The following AASS variants were observed in gnomAD, a reference collection of about 807,000 sequenced individuals.
The protein encoded by AASS is aminoadipate-semialdehyde synthase, also known as alpha-aminoadipic semialdehyde synthase, mitochondrial.
In AASS, 86 loss-of-function variants were observed where a neutral mutation model predicts 105.4. The observed-to-expected ratio is 0.82, with a 90% CI of 0.69 to 0.98. AASS has a LOEUF of 0.98. Ranked by LOEUF, AASS falls within the 50% of genes least tolerant of loss-of-function variation. AASS has a pLI of 0.00. For missense variants in AASS, 1,048 were observed against 1,143.2 expected, an observed-to-expected ratio of 0.92 and a Z score of 1.20; for synonymous variants, 381 against 394.8, an observed-to-expected ratio of 0.96 and a Z score of 0.41.
intron 11 of AASS, among the ~76,000 whole-genome samples, chr7:122,112,782 A>G (rs900130716): frequency 3.9e-5 from 6 of 152,186 alleles, no homozygotes; most frequent in African/African-American, 1.2e-4. Context: ...TTACGGCACA[A>G]TAAGAGTGCC....
Position 122,133,751 on chromosome 7 carries a change from C to T in AASS, c.-15-10G>A, listed in dbSNP as rs1187106981. On this transcript the variant is annotated splice_polypyrimidine_tract_variant and intron_variant, in intron 1 of 23. Transcript: ENST00000417368. Reference sequence around the variant, plus strand: ...TCTTGACACCTGGTGACTGTAAAGACAATGTAAAGAGCAGAGCAACAAAAG... The same window carrying T: ...TCTTGACACCTGGTGACTGTAAAGATAATGTAAAGAGCAGAGCAACAAAAG... 1.2e-6 allele frequency: 2 copies of T among 1,610,226 alleles called. No homozygotes were observed. The highest frequency in any genetic ancestry group is 2.2e-5 in the East Asian group (1 of 44,858).
At position 122,093,137 on chromosome 7, in the gene AASS, G is replaced by A. The variant is rs898296705; in HGVS notation, c.1677C>T (p.His559=). The part of the protein sequence containing the change: ...LVISLLPYVL[H]PLVAKACITN... ...TGATGCAGGCCTTGGCCACAAGAGG[G>A]TGCAATACATAAGGCAACAAGCTTG... The change falls in exon 16 of 24, where the codon CAC becomes CAT. Residue 559 remains histidine, a synonymous_variant. Transcript: ENST00000417368. The A allele has an allele frequency of 1.9e-6, 3 of 1,613,768 alleles. No individual in the cohort carries two copies. Among genetic ancestry groups the A allele is most frequent in the Non-Finnish European group, 2.5e-6 (3 of 1,179,720 alleles).
At chr7:122,111,646 G>A (rs1219010482) in intron 11 of AASS, among the ~76,000 whole-genome samples, 1 of 152,186 alleles carries the variant, frequency 6.6e-6, no homozygotes, top group Admixed American at 6.5e-5. Context: ...GCTCACGCCT[G>A]TAATACCAGC....
chr7:122,141,374 T>A (rs1193965692), intron 1 of AASS, among the ~76,000 whole-genome samples: 1 of 152,156 alleles, frequency 6.6e-6, no homozygotes, highest in Non-Finnish European at 1.5e-5. Flanking sequence ...TTCATTGAAA[T>A]GGAATACAAA....
intron 22 of AASS, among the ~76,000 whole-genome samples, chr7:122,078,228 C>G (rs1237347747): frequency 1.3e-5 from 2 of 152,042 alleles, no homozygotes; most frequent in African/African-American, 4.8e-5. Context: ...ATTCATGTCA[C>G]CATATCCTGT....
At chr7:122,117,017 T>TC in intron 6 of AASS, 60 bp from the exon 7 acceptor site, 1 of 1,416,232 alleles carries the variant, frequency 7.1e-7, no homozygotes, top group East Asian at 2.3e-5. Context: ...AACATGGTTT[T>TC]CTGCAAAGAT....
chr7:122,141,810 A>G (rs981014280), intron 1 of AASS, among the ~76,000 whole-genome samples: 9 of 152,152 alleles, frequency 5.9e-5, no homozygotes, highest in Non-Finnish European at 1.3e-4. Flanking sequence ...TCTTGACTTC[A>G]GTTTCCTTAC....
At chr7:122,099,650 G>A (rs1794334123) in intron 13 of AASS, among the ~76,000 whole-genome samples, 3 of 151,802 alleles carry the variant, frequency 2.0e-5, no homozygotes, top group South Asian at 4.1e-4. Context: ...CAAATTCCCT[G>A]TTATCAACAT....
chr7:122,116,856 G>A, intron 7 of AASS, 23 bp downstream of exon 7: 1 of 1,612,484 alleles, frequency 6.2e-7, no homozygotes. Context: ...AACATTAAAA[G>A]TTAGTCATCT....
At chr7:122,094,332 A>T (rs1280735474) in intron 15 of AASS, among the ~76,000 whole-genome samples, 2 of 152,172 alleles carry the variant, frequency 1.3e-5, no homozygotes, top group Non-Finnish European at 2.9e-5. Context: ...TCACCCTGTT[A>T]TCACATCTAA....
At chr7:122,129,882 C>G (rs187173849) in intron 2 of AASS, among the ~76,000 whole-genome samples, 40 of 152,166 alleles carry the variant, frequency 2.6e-4, no homozygotes, top group African/African-American at 9.4e-4. Flanking sequence ...TATTAAATGC[C>G]AAATTGTGAT....
intron 8 of AASS, 135 bp from the exon 9 acceptor site, chr7:122,115,357 C>A: frequency 8.4e-7 from 1 of 1,184,460 alleles, no homozygotes; most frequent in Non-Finnish European, 1.2e-6. Context: ...TTGTCCATGT[C>A]AGTGTCCATC....
At chr7:122,078,731 A>G in intron 22 of AASS, 131 bp downstream of exon 22, 1 of 819,476 alleles carries the variant, frequency 1.2e-6, no homozygotes, top group South Asian at 1.4e-5. Context: ...AAAATAGTCC[A>G]ATTGCCCTTT....
In AASS at chr7:122,098,808, C is replaced by T. The variant is rs749588440; in HGVS notation, c.1465G>A (p.Gly489Ser). ...TCTAATACAGGCTCAGATATGTAGCCAGATCCAAGAACCAAAACCTTTCTC... is the reference window on the plus strand; with the variant it reads ...TCTAATACAGGCTCAGATATGTAGCTAGATCCAAGAACCAAAACCTTTCTC... ...TRRKVLVLGS[G>S]YISEPVLEYL... The change falls in exon 14 of 24, where the codon GGC becomes AGC. Residue 489 changes from glycine (G) to serine (S), a missense_variant. Gly to Ser is a moderately conservative substitution (Grantham distance 56). Transcript: ENST00000417368. The T allele has an allele frequency of 6.2e-7, 1 of 1,600,486 alleles. No individual in the cohort carries two copies. The highest frequency in any genetic ancestry group is 1.1e-5 in the South Asian group (1 of 89,940).
chr7:122,086,218 G>A (rs1233582242), intron 18 of AASS, 39 bp from the exon 19 acceptor site: 2 of 1,605,796 alleles, frequency 1.2e-6, no homozygotes. Context: ...GGTTACAGCT[G>A]TTCCTTTCTT....
At chr7:122,126,610 T>C (rs1795667999) in intron 3 of AASS, 151 bp from the exon 4 acceptor site, 1 of 712,490 alleles carries the variant, frequency 1.4e-6, no homozygotes, top group Non-Finnish European at 2.5e-6. Context: ...TACCATGAAA[T>C]ATTTAGAAAA....
Position 122,098,369 on chromosome 7 carries a change from AGAG to A in AASS, c.1655+78_1655+80del, listed in dbSNP as rs1794265506. On this transcript the variant is annotated intron_variant, in intron 15 of 23. Coordinates refer to ENST00000417368, the MANE Select transcript of AASS (RefSeq NM_005763.4). Reference sequence around the variant, plus strand: ...AACTTTACTCCAAAGGAGTATGAAGAGAGGAGAAGTGAAAGAGAAAGAAAAATG... The same window carrying A: ...AACTTTACTCCAAAGGAGTATGAAGAGAGAAGTGAAAGAGAAAGAAAAATG... 8 of 1,527,958 alleles carry A rather than the reference AGAG, an allele frequency of 5.2e-6. No homozygotes were observed. In the South Asian group the frequency reaches 5.7e-5, roughly 11 times the overall value. The allele number at this position is 1,527,958 out of a possible 1,614,324, so 94.7% of individuals were successfully genotyped here. A position where few individuals can be genotyped will look rare whatever the true frequency, so the allele number is the denominator to read the frequency against.
rs781618451 is a variant in AASS at position 122,133,524 on chromosome 7, T to A, written c.203A>T (p.His68Leu). The A allele has an allele frequency of 6.2e-7, 1 of 1,614,198 alleles. No individual in the cohort carries two copies. Among genetic ancestry groups the A allele is most frequent in the Non-Finnish European group, 8.5e-7 (1 of 1,180,016 alleles). The change falls in exon 2 of 24, where the codon CAT (histidine) becomes CTT (leucine). Residue 68 changes from histidine (H) to leucine (L), a missense_variant. Transcript: ENST00000417368. Reference protein sequence around the residue: ...LIQPSNRRAIHDKDYVKAGGI... With the variant: ...LIQPSNRRAILDKDYVKAGGI... ...AATATTGGAAATACTCACCTTATCA[T>A]GAATGGCCCGCCGATTCGAAGGCTG...
chr7:122,128,565 T>C (rs1036715324), intron 3 of AASS, among the ~76,000 whole-genome samples: 6 of 152,188 alleles, frequency 3.9e-5, no homozygotes, highest in Non-Finnish European at 2.9e-5. Context: ...AGATGTCTTA[T>C]TCATTGATTA....
Sources: gnomAD v4.1 joint callset for allele counts (sites outside exome capture counted in the v4.1 genomes callset) on GRCh38, gnomAD v4.1.1 for gene constraint, MANE v1.5 for transcripts, NCBI Gene and HGNC (gene_info 2026-07-23, HGNC 2026-07-21) for gene names.